The following CHID1 variants were observed in gnomAD, a reference collection of about 807,000 sequenced individuals.
CHID1 encodes the protein chitinase domain-containing protein 1.
CHID1 carries 44 observed loss-of-function variants against 55.4 expected under a neutral mutation model. That is an observed-to-expected ratio of 0.79 (90% CI 0.62 to 1.02). CHID1 has a LOEUF of 1.02. Among genes scored for constraint, CHID1 ranks in the 50% least tolerant of loss-of-function variants. The pLI, the probability that CHID1 is intolerant of heterozygous loss-of-function variation, is 0.00. For synonymous variants in CHID1, 216 were observed against 212.9 expected (o/e 1.01, Z -0.13); for missense variants, 491 against 515.3 (o/e 0.95, Z 0.46).
chr11:907,699 C>G (rs7128404), intron 1 of CHID1, among the ~76,000 whole-genome samples: 9 of 151,688 alleles, frequency 5.9e-5, no homozygotes, highest in African/African-American at 1.9e-4. Context: ...GAGGCAGATA[C>G]CTGACAGGTG....
chr11:914,660 C>A, upstream of CHID1: 2 of 819,162 alleles, frequency 2.4e-6, no homozygotes, highest in Non-Finnish European at 3.5e-6. Flanking sequence ...GACATCAAGG[C>A]TGCAGTGAGC....
upstream of CHID1, chr11:911,365 G>T (rs1481994338): frequency 6.6e-6 from 1 of 152,252 alleles, no homozygotes; most frequent in Non-Finnish European, 1.5e-5. Context: ...CACATTGCAC[G>T]AGCCGGAGCC....
At chr11:891,482 C>T (rs561934792) in intron 8 of CHID1, among the ~76,000 whole-genome samples, 1 of 152,324 alleles carries the variant, frequency 6.6e-6, no homozygotes, top group African/African-American at 2.4e-5. Flanking sequence ...GCCAGAAGCT[C>T]AGGCAGAGGC....
chr11:904,617 G>A, intron 2 of CHID1, 89 bp downstream of exon 2: 1 of 1,510,668 alleles, frequency 6.6e-7, no homozygotes, highest in Non-Finnish European at 9.1e-7. Flanking sequence ...CGAGCCTCCT[G>A]GCTCACAGGC....
intron 7 of CHID1, among the ~76,000 whole-genome samples, chr11:894,049 G>C (rs538090610): frequency 1.4e-5 from 2 of 144,582 alleles, no homozygotes; most frequent in Non-Finnish European, 3.0e-5. Flanking sequence ...TTGAACCCAG[G>C]AGGTGGAGGT....
rs766313099 is a variant in CHID1 at position 883,188 on chromosome 11, C to T, written c.919G>A (p.Ala307Thr). The change falls in exon 10 of 13, where the codon GCG (alanine) becomes ACG (threonine). Residue 307 changes from alanine to threonine, a missense_variant. Coordinates refer to ENST00000323578, the MANE Select transcript of CHID1 (RefSeq NM_023947.4). ...LGLNFYGMDY[A>T]TSKDAREPVV... is the part of the protein sequence containing the mutation. Reference sequence around the variant, plus strand: ...GGCTCACGGGCATCCTTGGAGGTCGCGTAGTCCATACCATAGAAGTTGAGC... The same window carrying T: ...GGCTCACGGGCATCCTTGGAGGTCGTGTAGTCCATACCATAGAAGTTGAGC... 21 of 1,613,974 alleles carry T rather than the reference C, an allele frequency of 1.3e-5. No homozygotes were observed. Among genetic ancestry groups the T allele is most frequent in the Admixed American group, 1.0e-4 (6 of 60,004 alleles).
In CHID1 at chr11:899,322, C is replaced by G; in HGVS notation, c.608+18G>C. The G allele has an allele frequency of 6.3e-7, 1 of 1,591,068 alleles. No individual in the cohort carries two copies. Among genetic ancestry groups the G allele is most frequent in the Non-Finnish European group, 8.6e-7 (1 of 1,168,364 alleles). ...GGGCCAGGAGGAGGGCCACCCACCA[C>G]CACCTGTGCCCACTCACACGCGCTT... On this transcript the variant is annotated intron_variant, in intron 7 of 12. Transcript: ENST00000323578.
At chr11:912,031 A>G (rs1364353917), upstream of CHID1, among the ~76,000 whole-genome samples, 1 of 152,258 alleles carries the variant, frequency 6.6e-6, no homozygotes, top group Admixed American at 6.5e-5. Flanking sequence ...TTGGCGCTAA[A>G]GAATTGCAGA....
In CHID1 at chr11:869,708, G is replaced by A. The variant is rs1221888383; in HGVS notation, c.*150C>T. 1.6e-5 allele frequency: 11 copies of A among 692,194 alleles called. No individual in the cohort carries two copies. The highest frequency in any genetic ancestry group is 2.5e-5 in the Non-Finnish European group (10 of 394,832). 42.9% of individuals were successfully genotyped at this position (692,194 alleles called of 1,614,324 possible). A position where few individuals can be genotyped will look rare whatever the true frequency, so the allele number is the denominator to read the frequency against. On this transcript the variant is annotated 3_prime_UTR_variant, in exon 13 of 13. Coordinates refer to ENST00000323578, the MANE Select transcript of CHID1 (RefSeq NM_023947.4). Reference sequence around the variant, plus strand: ...CCAGGGCAGGGACCCCTCATGGGAGGATGGGGAGTCACATGGTGCCCAGGA... The same window carrying A: ...CCAGGGCAGGGACCCCTCATGGGAGAATGGGGAGTCACATGGTGCCCAGGA...
chr11:887,485 G>A (rs998515929), intron 8 of CHID1, among the ~76,000 whole-genome samples: 1 of 152,122 alleles, frequency 6.6e-6, no homozygotes, highest in African/African-American at 2.4e-5. Context: ...CCACATCCTG[G>A]TCCGAGTTGT....
intron 8 of CHID1, among the ~76,000 whole-genome samples, chr11:885,383 C>T (rs1192389384): frequency 4.6e-5 from 7 of 152,212 alleles, no homozygotes; most frequent in African/African-American, 1.4e-4. Flanking sequence ...TCCTCCTCTG[C>T]TGAGCACAAT....
At chr11:887,059 G>A (rs1029648189) in intron 8 of CHID1, among the ~76,000 whole-genome samples, 2 of 152,022 alleles carry the variant, frequency 1.3e-5, no homozygotes, top group Admixed American at 1.3e-4. Flanking sequence ...TTTGAGACAG[G>A]GTCTTGCTCT....
intron 9 of CHID1, among the ~76,000 whole-genome samples, chr11:883,537 C>A (rs956405297): frequency 6.6e-6 from 1 of 151,654 alleles, no homozygotes; most frequent in Non-Finnish European, 1.5e-5. Context: ...CAGAGTGGCC[C>A]CATGAGGCAT....
chr11:887,506 C>T (rs1427011947), intron 8 of CHID1, among the ~76,000 whole-genome samples: 2 of 152,194 alleles, frequency 1.3e-5, no homozygotes, highest in Middle Eastern at 3.2e-3. Flanking sequence ...CTGTGTCTGT[C>T]ACTCCTTCCT....
At position 880,056 on chromosome 11, in the gene CHID1, C is replaced by T. The variant is rs145486256; in HGVS notation, c.959+3092G>A. On this transcript the variant is annotated intron_variant, in intron 10 of 12. Transcript: ENST00000323578. ...AGAACAGACAGTTGGGCAGACAGGG[C>T]GGCCGGGCCCCTCACTCTGCATTGC... is the stretch of plus-strand genomic sequence containing the variant. 5.5e-3 allele frequency among the ~76,000 whole-genome samples: 839 copies of T among 152,346 alleles called. 6 individuals carry two copies. Among genetic ancestry groups the T allele is most frequent in the Admixed American group, 8.8e-3 (135 of 15,308 alleles).
intron 7 of CHID1, among the ~76,000 whole-genome samples, chr11:894,785 G>T (rs912381251): frequency 3.3e-5 from 5 of 152,208 alleles, no homozygotes; most frequent in African/African-American, 4.8e-5. Context: ...AGTACCCAGA[G>T]GCCCTGGTGC....
intron 6 of CHID1, 115 bp from the exon 7 acceptor site, chr11:899,516 A>T: frequency 1.1e-6 from 1 of 934,302 alleles, no homozygotes; most frequent in Non-Finnish European, 1.7e-6. Flanking sequence ...GTCACTCACG[A>T]GGCAAGACCC....
intron 8 of CHID1, 61 bp downstream of exon 8, chr11:893,366 T>A: frequency 7.1e-7 from 1 of 1,413,516 alleles, no homozygotes; most frequent in Middle Eastern, 2.5e-4. Context: ...CACCCTGCAC[T>A]GGCTGCCCCC....
intron 8 of CHID1, among the ~76,000 whole-genome samples, chr11:884,513 G>T (rs1319785522): frequency 6.6e-6 from 1 of 152,194 alleles, no homozygotes; most frequent in African/African-American, 2.4e-5. Flanking sequence ...AAGAGCTGGG[G>T]TTGCTGAGAT....
Sources: gnomAD v4.1 joint callset for allele counts (sites outside exome capture counted in the v4.1 genomes callset) on GRCh38, gnomAD v4.1.1 for gene constraint, MANE v1.5 for transcripts, NCBI Gene and HGNC (gene_info 2026-07-23, HGNC 2026-07-21) for gene names.